MGA: variants seen among roughly 807,000 people sequenced by gnomAD.
MGA encodes MAX dimerization protein MGA, also known as MAX gene-associated protein.
In MGA, 40 loss-of-function variants were observed where a neutral mutation model predicts 261.1. The observed-to-expected ratio is 0.15, with a 90% CI of 0.12 to 0.20. The LOEUF (loss-of-function observed/expected upper bound fraction) is 0.20. Ranked by LOEUF, MGA falls within the 10% of genes least tolerant of loss-of-function variation. The pLI, the probability that MGA is intolerant of heterozygous loss-of-function variation, is 1.00. For missense variants in MGA, 3,397 were observed against 3,630.5 expected, an observed-to-expected ratio of 0.94 and a Z score of 1.65; for synonymous variants, 1,302 against 1,290.6, an observed-to-expected ratio of 1.01 and a Z score of -0.19.
At chr15:41,658,985 T>C (rs2057271580), upstream of MGA, among the ~76,000 whole-genome samples, 1 of 152,228 alleles carries the variant, frequency 6.6e-6, no homozygotes, top group Admixed American at 6.5e-5. Flanking sequence ...CCTCAGATCC[T>C]TGAGAGGAAG....
chr15:41,700,450 G>A (rs1214352027), intron 5 of MGA, among the ~76,000 whole-genome samples: 2 of 152,132 alleles, frequency 1.3e-5, no homozygotes, highest in Non-Finnish European at 2.9e-5. Flanking sequence ...TTGCATCCAT[G>A]TGTTCTCATT....
chr15:41,767,327 C>T lies in MGA; in HGVS notation c.*47C>T. On this transcript the variant is annotated 3_prime_UTR_variant, in exon 24 of 24. Coordinates refer to ENST00000219905, the MANE Select transcript of MGA (RefSeq NM_001164273.2). ...AGCCAGGCTGTGAGGGGAAATAGAT[C>T]TCACCTCCTTTCTCTGCAGGCATCT... 1 of 1,530,382 alleles carries T rather than the reference C, an allele frequency of 6.5e-7. No homozygotes were observed. Among genetic ancestry groups the T allele is most frequent in the Non-Finnish European group, 8.8e-7 (1 of 1,132,668 alleles). The allele number at this position is 1,530,382 out of a possible 1,614,324, so 94.8% of individuals were successfully genotyped here.
intron 7 of MGA, among the ~76,000 whole-genome samples, chr15:41,709,590 G>GTGCGCCACCA (rs1449081556): frequency 6.6e-6 from 1 of 151,818 alleles, no homozygotes; most frequent in Non-Finnish European, 1.5e-5. Flanking sequence ...GACCACAGGT[G>GTGCGCCACCA]TGCGCCACCA....
chr15:41,633,971 T>A (rs1022796231), intron 1 of MGA, among the ~76,000 whole-genome samples: 6 of 152,168 alleles, frequency 3.9e-5, no homozygotes, highest in African/African-American at 1.2e-4. Flanking sequence ...ATCTCCTTGC[T>A]TTTCCTTGTT....
Position 41,699,754 on chromosome 15 carries a change from C to G in MGA, c.2188+595C>G, listed in dbSNP as rs368547161. 2.0e-5 allele frequency among the ~76,000 whole-genome samples: 3 copies of G among 152,262 alleles called. No homozygotes were observed. The East Asian group carries it at 5.8e-4, about 29-fold the overall frequency. ...TGACCTTGTGATCCGCCCGCCTCGG[C>G]CTCCCAATTATGTGTTTGTTTTTAT... On this transcript the variant is annotated intron_variant, in intron 5 of 23. Coordinates refer to ENST00000219905, the MANE Select transcript of MGA (RefSeq NM_001164273.2).
intron 2 of MGA, among the ~76,000 whole-genome samples, chr15:41,671,676 A>G (rs1290632593): frequency 6.6e-6 from 1 of 152,170 alleles, no homozygotes; most frequent in African/African-American, 2.4e-5. Flanking sequence ...GCAAAAGTAA[A>G]GAAATCCCTG....
chr15:41,701,284 T>G (rs981105986), intron 5 of MGA, among the ~76,000 whole-genome samples: 4 of 152,202 alleles, frequency 2.6e-5, no homozygotes, highest in Non-Finnish European at 4.4e-5. Flanking sequence ...GTAGAAATAT[T>G]ATGACATTTA....
intron 9 of MGA, among the ~76,000 whole-genome samples, chr15:41,725,869 T>A (rs6145538): frequency 5.8e-3 from 54 of 9,362 alleles, no homozygotes; most frequent in East Asian, 0.015. Context: ...AATAAATAAA[T>A]AAATAAATAA....
intron 5 of MGA, among the ~76,000 whole-genome samples, chr15:41,702,278 G>A (rs1251350862): frequency 6.0e-5 from 9 of 150,614 alleles, no homozygotes; most frequent in South Asian, 2.1e-4. Flanking sequence ...AGCCGAGATC[G>A]CGCCACCACA....
In MGA at chr15:41,698,912, G is replaced by C; in HGVS notation, c.2063G>C (p.Ser688Thr). The change falls in exon 4 of 24, where the codon AGT (serine) becomes ACT (threonine). Residue 688 changes from serine (S) to threonine (T), a missense_variant. Coordinates refer to ENST00000219905, the MANE Select transcript of MGA (RefSeq NM_001164273.2). ...GATGGGACAACAGAAGAATCTTCTA[G>C]TCTCCAGGCATCAACCACAAATGAC... 1 of 1,549,788 alleles carries C rather than the reference G, an allele frequency of 6.5e-7. No homozygotes were observed. The highest frequency in any genetic ancestry group is 1.2e-5 in the South Asian group (1 of 83,992).
At chr15:41,670,218 T>G (rs1395835975) in intron 2 of MGA, among the ~76,000 whole-genome samples, 1 of 152,162 alleles carries the variant, frequency 6.6e-6, no homozygotes, top group Non-Finnish European at 1.5e-5. Flanking sequence ...TGTTCCTTGA[T>G]ATCCTTGGGG....
intron 1 of MGA, among the ~76,000 whole-genome samples, chr15:41,641,709 C>T (rs572019313): frequency 1.3e-4 from 20 of 151,768 alleles, no homozygotes; most frequent in African/African-American, 4.6e-4. Flanking sequence ...AGGATGGTCT[C>T]GATCTCTTGA....
chr15:41,738,846 A>G (rs2061937259), intron 13 of MGA, among the ~76,000 whole-genome samples: 1 of 152,144 alleles, frequency 6.6e-6, no homozygotes, highest in Admixed American at 6.5e-5. Flanking sequence ...TACCAAACTC[A>G]AGGCAGAGAT....
At position 41,740,629 on chromosome 15, in the gene MGA, T is replaced by C. The variant is rs1409784638; in HGVS notation, c.4585+426T>C. 4.6e-5 allele frequency among the ~76,000 whole-genome samples: 7 copies of C among 152,346 alleles called. No individual in the cohort carries two copies. The East Asian group carries it at 1.3e-3, about 29-fold the overall frequency. ...TTACTAAATTAAAAATAGTTTACTA[T>C]TTTCCTGTGAGGACTGGTGTTTCTG... is the stretch of plus-strand genomic sequence containing the variant. On this transcript the variant is annotated intron_variant, in intron 14 of 23. Coordinates refer to ENST00000219905, the MANE Select transcript of MGA (RefSeq NM_001164273.2).
intron 15 of MGA, among the ~76,000 whole-genome samples, chr15:41,745,213 C>T (rs2151880644): frequency 1.4e-5 from 2 of 146,900 alleles, no homozygotes; most frequent in East Asian, 4.0e-4. Context: ...CAGCATTGAC[C>T]TTCCCTCCAC....
At chr15:41,726,642 T>A (rs2061264337) in intron 9 of MGA, among the ~76,000 whole-genome samples, 1 of 151,018 alleles carries the variant, frequency 6.6e-6, no homozygotes, top group Non-Finnish European at 1.5e-5. Flanking sequence ...GGCATGAGAA[T>A]CTCCTGAACA....
intron 9 of MGA, among the ~76,000 whole-genome samples, chr15:41,714,254 G>A (rs1180421360): frequency 6.6e-6 from 1 of 152,150 alleles, no homozygotes; most frequent in Non-Finnish European, 1.5e-5. Context: ...ATAACGTCAT[G>A]TTCTGCTTTC....
chr15:41,667,904 A>G lies in MGA; in HGVS notation c.-67-924A>G, dbSNP rs944536371. Among the ~76,000 whole-genome samples the G allele has an allele frequency of 2.1e-4, 32 of 152,076 alleles. 1 individual carries two copies. On this transcript the variant is annotated intron_variant, in intron 1 of 23. Transcript: ENST00000219905. The stretch of plus-strand genomic sequence containing the variant: ...GTGCACCTTCTGCCTCCTAGGATCA[A>G]GTGATTCTCATGCCTCAGCCTCCTG...
At chr15:41,640,660 A>C (rs570016754) in intron 1 of MGA, among the ~76,000 whole-genome samples, 48 of 152,200 alleles carry the variant, frequency 3.2e-4, no homozygotes, top group African/African-American at 1.1e-3. Flanking sequence ...CTGGGATTAC[A>C]GGCATACGCC....
Sources: gnomAD v4.1 joint callset for allele counts (sites outside exome capture counted in the v4.1 genomes callset) on GRCh38, gnomAD v4.1.1 for gene constraint, MANE v1.5 for transcripts, NCBI Gene and HGNC (gene_info 2026-07-23, HGNC 2026-07-21) for gene names.